The following ATP2A2 variants were observed in gnomAD, a reference collection of about 807,000 sequenced individuals.
ATP2A2 encodes ATPase sarcoplasmic/endoplasmic reticulum Ca2+ transporting 2, also known as sarcoplasmic/endoplasmic reticulum calcium ATPase 2.
In ATP2A2, 14 loss-of-function variants were observed where a neutral mutation model predicts 109.3. The observed-to-expected ratio is 0.13, with a 90% CI of 0.08 to 0.20. The LOEUF (loss-of-function observed/expected upper bound fraction) is 0.20. Ranked by LOEUF, ATP2A2 falls within the 10% of genes least tolerant of loss-of-function variation. The pLI is 1.00. For missense variants in ATP2A2, 657 were observed against 1,321.6 expected, an observed-to-expected ratio of 0.50 and a Z score of 7.80; for synonymous variants, 506 against 490.9, an observed-to-expected ratio of 1.03 and a Z score of -0.41.
At position 110,326,094 on chromosome 12, in the gene ATP2A2, A is replaced by C. The variant is rs1877774633; in HGVS notation, c.545-296A>C. ...TATCAGAGTATAAAATGATTACTGA[A>C]AAATAAATTAATTTGAATAGTTACT... On this transcript the variant is annotated intron_variant, in intron 6 of 19. Transcript: ENST00000539276. 1.8e-5 allele frequency: 8 copies of C among 444,302 alleles called. No individual in the cohort carries two copies. The South Asian group carries it at 1.8e-4, about 10-fold the overall frequency. The allele number at this position is 444,302 out of a possible 1,614,324, so 27.5% of individuals were successfully genotyped here.
At chr12:110,343,201 C>A (rs1366360579) in intron 15 of ATP2A2, 31 bp from the exon 16 acceptor site, 5 of 1,609,068 alleles carry the variant, frequency 3.1e-6, no homozygotes, top group Non-Finnish European at 4.2e-6. Flanking sequence ...CATTTGGGCT[C>A]TCTTTGTCTT....
At chr12:110,320,574 G>A (rs1272637717) in intron 5 of ATP2A2, among the ~76,000 whole-genome samples, 1 of 152,202 alleles carries the variant, frequency 6.6e-6, no homozygotes, top group Non-Finnish European at 1.5e-5. Context: ...GACCACTAAA[G>A]TTTAGAATAT....
At chr12:110,308,766 G>A (rs1875653805) in intron 5 of ATP2A2, among the ~76,000 whole-genome samples, 1 of 152,126 alleles carries the variant, frequency 6.6e-6, no homozygotes, top group Non-Finnish European at 1.5e-5. Flanking sequence ...TCAGTCGAAG[G>A]TACTATTTGC....
At chr12:110,309,270 G>A (rs903050262) in intron 5 of ATP2A2, among the ~76,000 whole-genome samples, 12 of 139,392 alleles carry the variant, frequency 8.6e-5, no homozygotes, top group African/African-American at 2.4e-4. Flanking sequence ...CGATTCTCCT[G>A]CCTCAGCCTC....
At chr12:110,326,982 A>G (rs1877869275) in intron 7 of ATP2A2, among the ~76,000 whole-genome samples, 1 of 152,212 alleles carries the variant, frequency 6.6e-6, no homozygotes, top group African/African-American at 2.4e-5. Context: ...AGTTGGGGAC[A>G]TTTGTGGGTT....
At position 110,333,284 on chromosome 12, in the gene ATP2A2, G is replaced by C. The variant is rs777346783; in HGVS notation, c.1287+1G>C. Reference sequence around the variant, plus strand: ...TGACTCTGCTTTGGATTACAATGAGGTAAGTCTCTTCATAAATTAGAAGGA... The same window carrying C: ...TGACTCTGCTTTGGATTACAATGAGCTAAGTCTCTTCATAAATTAGAAGGA... On this transcript the variant is annotated splice_donor_variant, in intron 10 of 19. Transcript: ENST00000539276. LOFTEE classifies it high-confidence loss of function. 1 of 1,605,948 alleles carries C rather than the reference G, an allele frequency of 6.2e-7. No homozygotes were observed.
Position 110,327,789 on chromosome 12 carries a change from C to G in ATP2A2, c.867C>G (p.Ile289Met). The G allele has an allele frequency of 6.2e-7, 1 of 1,614,130 alleles. No homozygotes were observed. The highest frequency in any genetic ancestry group is 8.5e-7 in the Non-Finnish European group (1 of 1,180,040). ...FNDPVHGGSW[I>M]RGAIYYFKIA... ...ACCCGGTTCATGGAGGGTCCTGGATCAGAGGTGCTATTTACTACTTTAAAA... is the reference window on the plus strand; with the variant it reads ...ACCCGGTTCATGGAGGGTCCTGGATGAGAGGTGCTATTTACTACTTTAAAA... Residue 289 changes from isoleucine (I) to methionine (M), a missense_variant, in exon 8 of 20, where the codon ATC (isoleucine) becomes ATG (methionine). Transcript: ENST00000539276. This position sits in a 1 kb window ranked among gnomAD's most constrained non-coding sequence, Gnocchi z 4.4.
chr12:110,316,552 C>T (rs1876687365), intron 5 of ATP2A2, among the ~76,000 whole-genome samples: 1 of 152,240 alleles, frequency 6.6e-6, no homozygotes, highest in African/African-American at 2.4e-5. Flanking sequence ...ATGCTTTATT[C>T]ATTGACAGAT....
chr12:110,306,534 T>C (rs538924763), intron 5 of ATP2A2, among the ~76,000 whole-genome samples: 1 of 152,144 alleles, frequency 6.6e-6, no homozygotes, highest in Non-Finnish European at 1.5e-5. Context: ...CTTTTTGGAG[T>C]GCCCAGTGTT....
chr12:110,308,080 G>C (rs1210881237), intron 5 of ATP2A2, among the ~76,000 whole-genome samples: 4 of 151,914 alleles, frequency 2.6e-5, no homozygotes, highest in Non-Finnish European at 5.9e-5. Context: ...TTTACGTATT[G>C]ATCTTGTAGT....
chr12:110,300,351 C>CTT (rs34894637), intron 5 of ATP2A2, among the ~76,000 whole-genome samples: 3,717 of 104,408 alleles, frequency 0.036, 120 homozygotes, highest in Middle Eastern at 0.053. Context: ...CCATGCCCAG[C>CTT]TTTTTTTTTT....
At position 110,323,115 on chromosome 12, in the gene ATP2A2, G is replaced by C. The variant is rs749148703; in HGVS notation, c.544+43G>C. The C allele has an allele frequency of 1.4e-5, 20 of 1,452,964 alleles. No individual in the cohort carries two copies. In the South Asian group the frequency reaches 2.2e-4, roughly 16 times the overall value. The allele number at this position is 1,452,964 out of a possible 1,614,324, so 90.0% of individuals were successfully genotyped here. On this transcript the variant is annotated intron_variant, in intron 6 of 19. Transcript: ENST00000539276. ...AGTCATTGAATTTCTGAAGACCTTC[G>C]CATATTCCATGCCAATAGAGTTGGC...
At position 110,350,438 on chromosome 12, in the gene ATP2A2, CTT is replaced by C. The variant is rs1880296243; in HGVS notation, c.*3970_*3971del. ...GAAAAGTAAAAAACTTCCCAACTCA[CTT>C]TGTGTTATGTGGAGGAAATGTGTAT... On this transcript the variant is annotated 3_prime_UTR_variant, in exon 20 of 20. Transcript: ENST00000539276. The C allele has an allele frequency of 3.5e-6, 5 of 1,444,542 alleles. No individual in the cohort carries two copies. Among genetic ancestry groups the C allele is most frequent in the Middle Eastern group, 1.8e-4 (1 of 5,690 alleles). 89.5% of individuals were successfully genotyped at this position (1,444,542 alleles called of 1,614,324 possible).
chr12:110,344,274 C>T (rs1273036285), intron 16 of ATP2A2, among the ~76,000 whole-genome samples: 2 of 152,086 alleles, frequency 1.3e-5, no homozygotes, highest in African/African-American at 4.8e-5. Context: ...GGATATTTGC[C>T]TCGTCTGAAC....
At chr12:110,314,189 A>G (rs1013921793) in intron 5 of ATP2A2, among the ~76,000 whole-genome samples, 1 of 152,042 alleles carries the variant, frequency 6.6e-6, no homozygotes, top group Non-Finnish European at 1.5e-5. Flanking sequence ...TTAGCTGGGC[A>G]TGGTAGCGCT....
At chr12:110,282,845 C>T (rs927555288) in intron 3 of ATP2A2, 50 bp downstream of exon 3, 3 of 1,451,932 alleles carry the variant, frequency 2.1e-6, no homozygotes, top group Non-Finnish European at 2.9e-6. Context: ...TGAAAGTATT[C>T]CATAGATAAA....
intron 3 of ATP2A2, among the ~76,000 whole-genome samples, chr12:110,284,368 G>C (rs1872461733): frequency 6.6e-6 from 1 of 152,120 alleles, no homozygotes; most frequent in Non-Finnish European, 1.5e-5. Flanking sequence ...AGGTCATTGG[G>C]AACTTCTTAA....
chr12:110,300,877 G>A (rs2137734239), intron 5 of ATP2A2, among the ~76,000 whole-genome samples: 1 of 152,200 alleles, frequency 6.6e-6, no homozygotes, highest in South Asian at 2.1e-4. Flanking sequence ...TGGGTGTGAT[G>A]ATGGTACTCT....
At chr12:110,297,288 A>G (rs977202196) in intron 5 of ATP2A2, among the ~76,000 whole-genome samples, 1 of 152,040 alleles carries the variant, frequency 6.6e-6, no homozygotes, top group Non-Finnish European at 1.5e-5. Context: ...TGCAAAAATT[A>G]GCCGGGCATG....
Sources: gnomAD v4.1 joint callset for allele counts (sites outside exome capture counted in the v4.1 genomes callset) on GRCh38, gnomAD v4.1.1 for gene constraint, Gnocchi (gnomAD v3.1) non-coding constraint, MANE v1.5 for transcripts, NCBI Gene and HGNC (gene_info 2026-07-23, HGNC 2026-07-21) for gene names.